ANKRD33B: variants seen among roughly 807,000 people sequenced by gnomAD.
ANKRD33B encodes ankyrin repeat domain-containing protein 33B.
In ANKRD33B, 6 loss-of-function variants were observed where a neutral mutation model predicts 21.5. The ratio of observed to expected loss-of-function variants is 0.28; its 90% confidence interval spans 0.15 to 0.55. The LOEUF (loss-of-function observed/expected upper bound fraction) is 0.55. Ranked by LOEUF, ANKRD33B falls within the 20% of genes least tolerant of loss-of-function variation. The pLI is 0.94. For missense variants in ANKRD33B, 698 were observed against 747.2 expected, an observed-to-expected ratio of 0.93 and a Z score of 0.77; for synonymous variants, 347 against 342.4, an observed-to-expected ratio of 1.01 and a Z score of -0.15.
chr5:10,653,098 A>G lies in ANKRD33B; in HGVS notation c.*2985A>G, dbSNP rs1373083026. 4 of 171,340 alleles carry G rather than the reference A, an allele frequency of 2.3e-5. No individual in the cohort carries two copies. In the East Asian group the frequency reaches 6.7e-4, roughly 28 times the overall value. 10.6% of individuals were successfully genotyped at this position (171,340 alleles called of 1,614,324 possible). A position where few individuals can be genotyped will look rare whatever the true frequency, so the allele number is the denominator to read the frequency against. The stretch of plus-strand genomic sequence containing the variant: ...GCCAGACCCAACTGAAAGAAGGGTC[A>G]TTCCTGATTGAGTTGGAGACTCTCC... On this transcript the variant is annotated 3_prime_UTR_variant, in exon 4 of 4. Transcript: ENST00000296657.
At position 10,602,788 on chromosome 5, in the gene ANKRD33B, C is replaced by T. The variant is rs114814362; in HGVS notation, c.367-15545C>T. On this transcript the variant is annotated intron_variant, in intron 1 of 3. Transcript: ENST00000296657. The stretch of plus-strand genomic sequence containing the variant: ...TCATAGTCTATAGATCCTGAAGGTC[C>T]AATTTGCTTTCCATTGATTGCTTGT... Among the ~76,000 whole-genome samples, 381 of 151,624 alleles carry T rather than the reference C, an allele frequency of 2.5e-3. 1 individual carries two copies. The highest frequency in any genetic ancestry group is 8.7e-3 in the African/African-American group (360 of 41,414).
At chr5:10,617,755 T>A (rs1736319218) in intron 1 of ANKRD33B, among the ~76,000 whole-genome samples, 1 of 152,178 alleles carries the variant, frequency 6.6e-6, no homozygotes, top group African/African-American at 2.4e-5. Context: ...CTCTTCTCAC[T>A]CACTCTGCTC....
chr5:10,640,268 A>G (rs1737013456), intron 3 of ANKRD33B, among the ~76,000 whole-genome samples: 2 of 152,152 alleles, frequency 1.3e-5, no homozygotes, highest in Admixed American at 1.3e-4. Flanking sequence ...TTCTCAGGCT[A>G]TCAACCTGGA....
At chr5:10,636,168 G>A (rs1579751084) in intron 2 of ANKRD33B, among the ~76,000 whole-genome samples, 1 of 122,590 alleles carries the variant, frequency 8.2e-6, no homozygotes, top group African/African-American at 2.9e-5. Context: ...AGGTGTTCCT[G>A]GGGGGAGGGA....
chr5:10,594,044 C>T (rs1165107975), intron 1 of ANKRD33B, among the ~76,000 whole-genome samples: 1 of 152,068 alleles, frequency 6.6e-6, no homozygotes, highest in Non-Finnish European at 1.5e-5. Context: ...TGTCAGCTCA[C>T]GGGGATTTTC....
At chr5:10,597,372 A>C (rs1458342904) in intron 1 of ANKRD33B, among the ~76,000 whole-genome samples, 1 of 152,206 alleles carries the variant, frequency 6.6e-6, no homozygotes, top group Non-Finnish European at 1.5e-5. Flanking sequence ...GGAAAACAGG[A>C]AAAAGCAGGG....
At chr5:10,640,191 A>G (rs67807536) in intron 3 of ANKRD33B, among the ~76,000 whole-genome samples, 62,052 of 148,722 alleles carry the variant, frequency 0.42, 13,539 homozygotes, top group Middle Eastern at 0.56. Flanking sequence ...GTTAGGAGGC[A>G]ACGTGGTATT....
At chr5:10,617,498 G>A (rs897109733) in intron 1 of ANKRD33B, among the ~76,000 whole-genome samples, 18 of 152,048 alleles carry the variant, frequency 1.2e-4, no homozygotes, top group African/African-American at 3.9e-4. Context: ...ATCCAAATTC[G>A]CCTCCCCAGC....
At chr5:10,613,747 A>G (rs1014446982) in intron 1 of ANKRD33B, among the ~76,000 whole-genome samples, 1 of 151,938 alleles carries the variant, frequency 6.6e-6, no homozygotes, top group Non-Finnish European at 1.5e-5. Context: ...TAAAAATACA[A>G]AAATTGGCTG....
chr5:10,606,657 C>A (rs1736051107), intron 1 of ANKRD33B, among the ~76,000 whole-genome samples: 1 of 151,916 alleles, frequency 6.6e-6, no homozygotes, highest in African/African-American at 2.4e-5. Flanking sequence ...TCACTTGAAC[C>A]CACGAGGTGG....
rs1318508366 is a variant in ANKRD33B, at chr5:10,649,867, G to A, written c.1239G>A (p.Arg413=). ...GCCTCCTGCCCCTGCAGCGCCTGCG[G>A]CGGAGAAGCGTGCGGCCCGGTGTGG... The part of the protein sequence containing the change: ...KASLLPLQRL[R]RRSVRPGVVV... The change falls in exon 4 of 4, where the codon CGG becomes CGA. Residue 413 remains arginine, a synonymous_variant. Transcript: ENST00000296657. 6.9e-7 allele frequency: 1 copy of A among 1,447,820 alleles called. No individual in the cohort carries two copies. The highest frequency in any genetic ancestry group is 9.0e-7 in the Non-Finnish European group (1 of 1,105,950). The allele number at this position is 1,447,820 out of a possible 1,614,324, so 89.7% of individuals were successfully genotyped here. A position where few individuals can be genotyped will look rare whatever the true frequency, so the allele number is the denominator to read the frequency against.
chr5:10,612,658 GC>G (rs1363212565), intron 1 of ANKRD33B, among the ~76,000 whole-genome samples: 4 of 152,224 alleles, frequency 2.6e-5, no homozygotes, highest in African/African-American at 9.6e-5. Flanking sequence ...TCTCTCTTGC[GC>G]CGTTGCAGCT....
In ANKRD33B at chr5:10,621,235, G is replaced by C. The variant is rs185031883; in HGVS notation, c.496+2773G>C. On this transcript the variant is annotated intron_variant, in intron 2 of 3. Coordinates refer to ENST00000296657, the MANE Select transcript of ANKRD33B (RefSeq NM_001164440.2). ...CTTTCCCAGTCCCTGTCTGTAACCA[G>C]CTGTATCTTCAAGGAATGATAGTTC... Among the ~76,000 whole-genome samples the C allele has an allele frequency of 3.3e-4, 50 of 152,204 alleles. 1 individual carries two copies. In the South Asian group the frequency reaches 6.6e-3, roughly 20 times the overall value.
intron 1 of ANKRD33B, among the ~76,000 whole-genome samples, chr5:10,598,233 A>C (rs1032336616): frequency 6.6e-6 from 1 of 151,918 alleles, no homozygotes; most frequent in Non-Finnish European, 1.5e-5. Flanking sequence ...AGCACTCTCA[A>C]TGCCTTGTTG....
At chr5:10,583,800 A>G (rs758937342) in intron 1 of ANKRD33B, among the ~76,000 whole-genome samples, 2 of 152,220 alleles carry the variant, frequency 1.3e-5, no homozygotes, top group African/African-American at 2.4e-5. Context: ...GAAAATACCT[A>G]TAATTAGAAT....
intron 1 of ANKRD33B, among the ~76,000 whole-genome samples, chr5:10,583,469 C>A (rs1472462702): frequency 1.3e-5 from 2 of 152,224 alleles, no homozygotes; most frequent in Non-Finnish European, 2.9e-5. Context: ...TGAGTAGCAT[C>A]CCTGGCCCCT....
At chr5:10,599,739 T>C (rs557059078) in intron 1 of ANKRD33B, among the ~76,000 whole-genome samples, 7 of 152,354 alleles carry the variant, frequency 4.6e-5, no homozygotes, top group Admixed American at 1.3e-4. Context: ...TATCTGTTGA[T>C]GGACATTTGG....
Position 10,564,448 on chromosome 5 carries a change from C to T in ANKRD33B, c.-20C>T. 9.0e-7 allele frequency: 1 copy of T among 1,110,404 alleles called. No homozygotes were observed. The highest frequency in any genetic ancestry group is 1.1e-6 in the Non-Finnish European group (1 of 911,486). The allele number at this position is 1,110,404 out of a possible 1,614,324, so 68.8% of individuals were successfully genotyped here. On this transcript the variant is annotated 5_prime_UTR_variant, in exon 1 of 4. Coordinates refer to ENST00000296657, the MANE Select transcript of ANKRD33B (RefSeq NM_001164440.2). Reference sequence around the variant, plus strand: ...TTCCTGCCCGCGCCCCGGCCCCCGGCCCGCGCCCCGGCCGCCGGCATGGTG... The same window carrying T: ...TTCCTGCCCGCGCCCCGGCCCCCGGTCCGCGCCCCGGCCGCCGGCATGGTG...
chr5:10,598,226 A>G (rs1252462990), intron 1 of ANKRD33B, among the ~76,000 whole-genome samples: 1 of 151,766 alleles, frequency 6.6e-6, no homozygotes, highest in African/African-American at 2.4e-5. Context: ...CCCTTCTAGC[A>G]CTCTCAATGC....
Sources: allele counts gnomAD v4.1 joint callset (sites outside exome capture counted in the v4.1 genomes callset), GRCh38; gene constraint gnomAD v4.1.1; transcripts MANE v1.5; gene names NCBI Gene and HGNC (gene_info 2026-07-23, HGNC 2026-07-21).